DLGAP1: variants seen among roughly 807,000 people sequenced by gnomAD.
DLGAP1 encodes DLG associated protein 1.
In DLGAP1, 11 loss-of-function variants were observed where a neutral mutation model predicts 90.8. The ratio of observed to expected loss-of-function variants is 0.12; its 90% CI spans 0.08 to 0.20. DLGAP1 has a LOEUF of 0.20. Ranked by LOEUF, DLGAP1 falls within the 10% of genes least tolerant of loss-of-function variation. The pLI, the probability that DLGAP1 is intolerant of heterozygous loss-of-function variation, is 1.00. For missense variants in DLGAP1, 1,050 were observed against 1,333.8 expected, an observed-to-expected ratio of 0.79 and a Z score of 3.31; for synonymous variants, 558 against 540.7, an observed-to-expected ratio of 1.03 and a Z score of -0.44.
chr18:4,134,578 T>C (rs1351211148), intron 2 of DLGAP1, among the ~76,000 whole-genome samples: 1 of 152,180 alleles, frequency 6.6e-6, no homozygotes, highest in African/African-American at 2.4e-5. Context: ...TAATTTTTCT[T>C]AAATAAAAAT....
intron 2 of DLGAP1, among the ~76,000 whole-genome samples, chr18:4,136,487 T>A (rs368720911): frequency 6.6e-6 from 1 of 152,340 alleles, no homozygotes; most frequent in South Asian, 2.1e-4. Flanking sequence ...TCTCTAATGA[T>A]CAATGATGGT....
In DLGAP1 at chr18:4,014,429, G is replaced by T. The variant is rs76859362; in HGVS notation, c.-158-9228C>A. Among the ~76,000 whole-genome samples, 936 of 152,224 alleles carry T rather than the reference G, an allele frequency of 6.1e-3. 11 individuals carry two copies. The highest frequency in any genetic ancestry group is 0.021 in the African/African-American group (884 of 41,528). On this transcript the variant is annotated intron_variant, in intron 2 of 12. Coordinates refer to ENST00000315677, the MANE Select transcript of DLGAP1 (RefSeq NM_004746.4). ...TGATTTGTGGGGGTGAAGAGATGTT[G>T]GTCAAGGGGTATGAAAGTACAGTCA...
intron 1 of DLGAP1, among the ~76,000 whole-genome samples, chr18:4,235,783 T>C (rs1232501334): frequency 7.4e-6 from 1 of 135,598 alleles, no homozygotes; most frequent in Non-Finnish European, 1.5e-5. Context: ...TGGAGTGCAG[T>C]GGCATGATCT....
intron 2 of DLGAP1, among the ~76,000 whole-genome samples, chr18:4,139,278 G>A (rs2076456899): frequency 6.6e-6 from 1 of 151,634 alleles, no homozygotes; most frequent in African/African-American, 2.4e-5. Context: ...TTTCCTTTTA[G>A]CGCTGCTTTC....
At chr18:4,056,399 C>T (rs1266971955) in intron 2 of DLGAP1, among the ~76,000 whole-genome samples, 1 of 152,152 alleles carries the variant, frequency 6.6e-6, no homozygotes, top group Non-Finnish European at 1.5e-5. Context: ...CAAAACTTGA[C>T]ATAAATGTGG....
intron 3 of DLGAP1, among the ~76,000 whole-genome samples, chr18:3,989,840 C>T (rs1440922564): frequency 1.3e-5 from 2 of 152,014 alleles, no homozygotes; most frequent in East Asian, 1.9e-4. Context: ...ACAGACACTT[C>T]TCAAAAGAAG....
chr18:4,078,107 C>G (rs1598359110), intron 2 of DLGAP1, among the ~76,000 whole-genome samples: 1 of 152,142 alleles, frequency 6.6e-6, no homozygotes, highest in South Asian at 2.1e-4. Flanking sequence ...TAAAGGGGAC[C>G]TCTTCTCAGG....
At chr18:3,725,936 G>A (rs1230257784) in intron 7 of DLGAP1, among the ~76,000 whole-genome samples, 8 of 152,088 alleles carry the variant, frequency 5.3e-5, no homozygotes, top group South Asian at 4.1e-4. Flanking sequence ...TTATGAATAC[G>A]AATAAAGAAC....
intron 1 of DLGAP1, among the ~76,000 whole-genome samples, chr18:4,331,290 C>T (rs1448050022): frequency 6.6e-6 from 1 of 151,682 alleles, no homozygotes; most frequent in Non-Finnish European, 1.5e-5. Context: ...ATCGAGCTCT[C>T]TATAGGTCAG....
intron 11 of DLGAP1, among the ~76,000 whole-genome samples, chr18:3,503,279 A>G (rs1345116167): frequency 6.6e-6 from 1 of 152,250 alleles, no homozygotes; most frequent in Admixed American, 6.5e-5. Flanking sequence ...CCATAAAATA[A>G]TATAGCAAAT....
chr18:3,831,833 T>C (rs1219591613), intron 4 of DLGAP1, among the ~76,000 whole-genome samples: 1 of 152,210 alleles, frequency 6.6e-6, no homozygotes. Context: ...TATCAACATG[T>C]AGAAGACAAA....
chr18:4,368,487 G>A (rs939384767), intron 1 of DLGAP1, among the ~76,000 whole-genome samples: 7 of 152,110 alleles, frequency 4.6e-5, no homozygotes, highest in Admixed American at 2.6e-4. Context: ...TCCCAAGAGC[G>A]AAGGAATTCT....
At chr18:3,914,632 A>T (rs76283805) in intron 3 of DLGAP1, among the ~76,000 whole-genome samples, 1 of 151,662 alleles carries the variant, frequency 6.6e-6, no homozygotes, top group African/African-American at 2.4e-5. Flanking sequence ...TTTTTGAGGA[A>T]CTCCTATATG....
At chr18:3,568,977 C>A (rs1159406431) in intron 8 of DLGAP1, among the ~76,000 whole-genome samples, 2 of 150,360 alleles carry the variant, frequency 1.3e-5, no homozygotes, top group Non-Finnish European at 2.9e-5. Flanking sequence ...TGAGCCACCA[C>A]GCCTGGCCTA....
intron 3 of DLGAP1, among the ~76,000 whole-genome samples, chr18:3,902,947 G>A (rs535044187): frequency 6.6e-6 from 1 of 152,214 alleles, no homozygotes; most frequent in South Asian, 2.1e-4. Context: ...TTCGCTGAGA[G>A]TGATCAGCTC....
intron 1 of DLGAP1, among the ~76,000 whole-genome samples, chr18:4,301,950 T>G (rs749687932): frequency 6.6e-6 from 1 of 152,202 alleles, no homozygotes; most frequent in Non-Finnish European, 1.5e-5. Context: ...TTGAGAAATG[T>G]CTATTCAGGT....
At chr18:3,523,584 A>T (rs370619640) in intron 10 of DLGAP1, among the ~76,000 whole-genome samples, 24 of 152,230 alleles carry the variant, frequency 1.6e-4, no homozygotes, top group East Asian at 5.8e-4. Context: ...GCGGTGGCTC[A>T]CGCCTGTAAT....
At chr18:4,146,642 T>C (rs549683986) in intron 2 of DLGAP1, among the ~76,000 whole-genome samples, 1 of 152,270 alleles carries the variant, frequency 6.6e-6, no homozygotes. Flanking sequence ...TTTTAATTAA[T>C]ATTTAAGCTT....
At chr18:3,898,806 A>ATTG (rs1238735989) in intron 3 of DLGAP1, among the ~76,000 whole-genome samples, 2 of 152,216 alleles carry the variant, frequency 1.3e-5, no homozygotes, top group Admixed American at 1.3e-4. Flanking sequence ...TATTATTATT[A>ATTG]TTCTCCAATA....
Sources: allele counts gnomAD v4.1 joint callset (sites outside exome capture counted in the v4.1 genomes callset), GRCh38; gene constraint gnomAD v4.1.1; transcripts MANE v1.5; gene names NCBI Gene and HGNC (gene_info 2026-07-23, HGNC 2026-07-21).